PUS10: variants seen among roughly 807,000 people sequenced by gnomAD.
PUS10 encodes pseudouridine synthase 10.
A neutral mutation model predicts 75.0 loss-of-function variants in PUS10; 59 were observed. The observed-to-expected ratio is 0.79, with a 90% CI of 0.64 to 0.98. The LOEUF is 0.98. Among genes scored for constraint, PUS10 ranks in the 50% least tolerant of loss-of-function variants. The pLI is 0.00. For missense variants in PUS10, 650 were observed against 614.4 expected, an observed-to-expected ratio of 1.06 and a Z score of -0.61; for synonymous variants, 219 against 211.6, an observed-to-expected ratio of 1.03 and a Z score of -0.30.
At chr2:61,017,787 A>T in intron 1 of PUS10, 1 of 1,550,274 alleles carries the variant, frequency 6.5e-7, no homozygotes, top group Non-Finnish European at 8.7e-7. Flanking sequence ...ACCTCCCCCC[A>T]AACCCTGGGA....
At chr2:60,976,231 T>C (rs1677026290) in intron 4 of PUS10, among the ~76,000 whole-genome samples, 1 of 152,270 alleles carries the variant, frequency 6.6e-6, no homozygotes, top group South Asian at 2.1e-4. Flanking sequence ...AACTGAAACC[T>C]TATCTGTACT....
chr2:60,999,032 A>C (rs979634743), intron 4 of PUS10: 16 of 152,346 alleles, frequency 1.1e-4, no homozygotes, highest in African/African-American at 3.9e-4. Flanking sequence ...AAAAGACAAT[A>C]TATACATTTA....
chr2:60,962,896 T>C lies in PUS10; in HGVS notation c.724-6A>G. 1 of 1,551,712 alleles carries C rather than the reference T, an allele frequency of 6.4e-7. No individual in the cohort carries two copies. Among genetic ancestry groups the C allele is most frequent in the Non-Finnish European group, 8.6e-7 (1 of 1,157,720 alleles). On this transcript the variant is annotated splice_region_variant and splice_polypyrimidine_tract_variant and intron_variant, in intron 8 of 17. Coordinates refer to ENST00000316752, the MANE Select transcript of PUS10 (RefSeq NM_144709.4). ...GCCATTCTAGTGAATACAGACTATA[T>C]AGGGTAAAATGAGAAGAAAAGACAT... is the stretch of plus-strand genomic sequence containing the variant.
At chr2:61,004,345 C>G (rs772014809) in intron 4 of PUS10, among the ~76,000 whole-genome samples, 15 of 152,094 alleles carry the variant, frequency 9.9e-5, no homozygotes, top group Non-Finnish European at 2.2e-4. Flanking sequence ...TAACATGTGG[C>G]CAAGCATGGT....
chr2:61,000,542 G>A (rs1446840034), intron 4 of PUS10, among the ~76,000 whole-genome samples: 1 of 152,090 alleles, frequency 6.6e-6, no homozygotes, highest in East Asian at 1.9e-4. Context: ...CTGTTTCCTT[G>A]CCTTTTCTAG....
chr2:60,947,238 G>A (rs1291163244), intron 16 of PUS10, among the ~76,000 whole-genome samples: 2 of 151,952 alleles, frequency 1.3e-5, no homozygotes, highest in Admixed American at 1.3e-4. Flanking sequence ...CACAAGGCAC[G>A]TAGACAAAGA....
At chr2:60,994,847 G>C (rs944660672) in intron 4 of PUS10, among the ~76,000 whole-genome samples, 2 of 152,216 alleles carry the variant, frequency 1.3e-5, no homozygotes, top group Non-Finnish European at 2.9e-5. Context: ...CCAGCATTTT[G>C]GGAGGCTGAA....
At position 60,958,023 on chromosome 2, in the gene PUS10, C is replaced by T. The variant is rs953222431; in HGVS notation, c.1000+2369G>A. Reference sequence around the variant, plus strand: ...CCCTGCTGATGCTGTACATATGTCTCGTGCCTGGGCTTTTGCCCAGAGAGA... The same window carrying T: ...CCCTGCTGATGCTGTACATATGTCTTGTGCCTGGGCTTTTGCCCAGAGAGA... On this transcript the variant is annotated intron_variant, in intron 11 of 17. Coordinates refer to ENST00000316752, the MANE Select transcript of PUS10 (RefSeq NM_144709.4). Among the ~76,000 whole-genome samples, 11 of 152,246 alleles carry T rather than the reference C, an allele frequency of 7.2e-5. No individual in the cohort carries two copies. The South Asian group carries it at 1.2e-3, about 17-fold the overall frequency.
At chr2:60,973,134 C>A (rs559334741) in intron 4 of PUS10, among the ~76,000 whole-genome samples, 3 of 152,360 alleles carry the variant, frequency 2.0e-5, no homozygotes, top group African/African-American at 7.2e-5. Flanking sequence ...TCCGTCCCGG[C>A]CTCAACCTCG....
intron 1 of PUS10, among the ~76,000 whole-genome samples, chr2:61,014,293 A>C (rs1376847848): frequency 6.6e-6 from 1 of 151,826 alleles, no homozygotes; most frequent in Admixed American, 6.6e-5. Flanking sequence ...CAAGAGAATC[A>C]CTTGAACCCC....
intron 4 of PUS10, among the ~76,000 whole-genome samples, chr2:60,990,716 T>C (rs1055570785): frequency 2.0e-5 from 3 of 152,214 alleles, no homozygotes; most frequent in Admixed American, 6.5e-5. Context: ...TTTCAAATTA[T>C]ATTTTTCATA....
chr2:61,013,518 CATT>C lies in PUS10; in HGVS notation c.-15-1616_-15-1614del, dbSNP rs144781572. 6.6e-3 allele frequency among the ~76,000 whole-genome samples: 1,009 copies of C among 152,338 alleles called. 11 individuals are homozygous for C. The highest frequency in any genetic ancestry group is 0.023 in the African/African-American group (960 of 41,562). On this transcript the variant is annotated intron_variant, in intron 1 of 17. Transcript: ENST00000316752. ...AAAAATGGACAATTTCCCCTGTTAT[CATT>C]ATGTCTTCATTCTGAAGGCTCCTGT...
chr2:60,994,098 C>T (rs571989671), intron 4 of PUS10, among the ~76,000 whole-genome samples: 5 of 151,854 alleles, frequency 3.3e-5, no homozygotes, highest in African/African-American at 1.2e-4. Context: ...CAGATCGACA[C>T]TTCGTAACTG....
chr2:60,956,016 A>C (rs1675626112), intron 11 of PUS10, among the ~76,000 whole-genome samples: 1 of 152,212 alleles, frequency 6.6e-6, no homozygotes, highest in South Asian at 2.1e-4. Context: ...AGCTGGGACC[A>C]TGACAGAACC....
intron 1 of PUS10, chr2:61,017,227 G>C (rs927864092): frequency 3.9e-5 from 6 of 152,604 alleles, no homozygotes; most frequent in African/African-American, 9.6e-5. Context: ...GAAGACTAAA[G>C]ACAACGCACC....
At chr2:60,991,671 T>A (rs1365096124) in intron 4 of PUS10, among the ~76,000 whole-genome samples, 1 of 152,160 alleles carries the variant, frequency 6.6e-6, no homozygotes, top group Non-Finnish European at 1.5e-5. Flanking sequence ...TTAGTACTTT[T>A]AAGAGTAAAG....
intron 15 of PUS10, among the ~76,000 whole-genome samples, chr2:60,951,645 G>C (rs1675345784): frequency 6.6e-6 from 1 of 152,206 alleles, no homozygotes; most frequent in Non-Finnish European, 1.5e-5. Context: ...TAATGTGAGT[G>C]ATAGGGAGCA....
At chr2:60,988,731 G>C (rs2104545787) in intron 4 of PUS10, among the ~76,000 whole-genome samples, 1 of 152,190 alleles carries the variant, frequency 6.6e-6, no homozygotes, top group Non-Finnish European at 1.5e-5. Flanking sequence ...TGCCTCCTGG[G>C]TTCAGGTGAT....
chr2:60,950,122 A>C (rs1675242841), intron 15 of PUS10, among the ~76,000 whole-genome samples: 1 of 152,246 alleles, frequency 6.6e-6, no homozygotes, highest in Admixed American at 6.5e-5. Flanking sequence ...AGTATGGCCA[A>C]AAGCCAAAGG....
Sources: gnomAD v4.1 joint callset for allele counts (sites outside exome capture counted in the v4.1 genomes callset) on GRCh38, gnomAD v4.1.1 for gene constraint, MANE v1.5 for transcripts, NCBI Gene and HGNC (gene_info 2026-07-23, HGNC 2026-07-21) for gene names.